Variants in NFIA observed in about 807,000 individuals in gnomAD.
NFIA encodes the protein nuclear factor I A, also known as nuclear factor 1 A-type.
A neutral mutation model predicts 62.8 loss-of-function variants in NFIA; 8 were observed. The ratio of observed to expected loss-of-function variants is 0.13; its 90% confidence interval spans 0.07 to 0.23. The LOEUF is 0.23. Ranked by LOEUF, NFIA falls within the 10% of genes least tolerant of loss-of-function variation. The probability of loss-of-function intolerance (pLI) is 1.00; values close to 1 mark genes in which losing one functional copy is unlikely to be tolerated. For synonymous variants in NFIA, 235 were observed against 238.1 expected (o/e 0.99, Z 0.12); for missense variants, 410 against 642.1 (o/e 0.64, Z 3.91).
intron 9 of NFIA, among the ~76,000 whole-genome samples, chr1:61,417,298 TATA>T (rs919948059): frequency 3.4e-5 from 5 of 147,558 alleles, no homozygotes; most frequent in Non-Finnish European, 7.5e-5. Flanking sequence ...TGTATACACA[TATA>T]AGATGATTGT....
rs539591138 is a variant in NFIA, at chr1:61,433,828, A to G, written c.1512+7272A>G. On this transcript the variant is annotated intron_variant, in intron 10 of 10. Coordinates refer to ENST00000403491, the MANE Select transcript of NFIA (RefSeq NM_001134673.4). ...GTGACTTTCCCAGAACCACATATCC[A>G]GAGGTCAGTAGAGTCAGGACACAAA... 9.1e-4 allele frequency among the ~76,000 whole-genome samples: 138 copies of G among 152,288 alleles called. 1 individual carries two copies. The highest frequency in any genetic ancestry group is 3.5e-3 in the Admixed American group (53 of 15,298).
chr1:61,393,998 A>T (rs760100490), intron 7 of NFIA, among the ~76,000 whole-genome samples: 2 of 152,162 alleles, frequency 1.3e-5, no homozygotes, highest in African/African-American at 4.8e-5. Flanking sequence ...ATGTATCTCT[A>T]TTTATTCTAA....
intron 2 of NFIA, among the ~76,000 whole-genome samples, chr1:61,233,511 C>T (rs1654803500): frequency 6.6e-6 from 1 of 152,170 alleles, no homozygotes; most frequent in Non-Finnish European, 1.5e-5. Flanking sequence ...CCTACTGAAA[C>T]TGGGGAAGTC....
chr1:61,453,541 G>A (rs1668165555), intron 10 of NFIA, among the ~76,000 whole-genome samples: 2 of 149,452 alleles, frequency 1.3e-5, no homozygotes, highest in Admixed American at 6.7e-5. Flanking sequence ...CAGAAACTGT[G>A]GTGTGGAGAA....
In NFIA at chr1:61,352,756, TACACACAC is replaced by T. The variant is rs10544967; in HGVS notation, c.818+210_818+217del. 0.091 allele frequency among the ~76,000 whole-genome samples: 13,624 copies of T among 150,526 alleles called. 786 individuals carry two copies. The highest frequency in any genetic ancestry group is 0.2 in the East Asian group (1,026 of 5,118). The stretch of plus-strand genomic sequence containing the variant: ...CAAATATGCATGTGGCAAGATTAAA[TACACACAC>T]ACACACACACACACACACACGCACA... On this transcript the variant is annotated intron_variant, in intron 5 of 10. Coordinates refer to ENST00000403491, the MANE Select transcript of NFIA (RefSeq NM_001134673.4).
chr1:61,209,076 C>T (rs1203082719), intron 2 of NFIA, among the ~76,000 whole-genome samples: 1 of 151,964 alleles, frequency 6.6e-6, no homozygotes, highest in Non-Finnish European at 1.5e-5. Flanking sequence ...CCCAAAAGAA[C>T]TGCTGTATTA....
At chr1:61,310,659 C>T (rs1433623177) in intron 3 of NFIA, among the ~76,000 whole-genome samples, 3 of 152,156 alleles carry the variant, frequency 2.0e-5, no homozygotes, top group Non-Finnish European at 2.9e-5. Flanking sequence ...GAAGTCCCAG[C>T]TCCAGCCATC....
chr1:61,219,712 T>C (rs1159898409), intron 2 of NFIA, among the ~76,000 whole-genome samples: 1 of 61,640 alleles, frequency 1.6e-5, no homozygotes, highest in Non-Finnish European at 3.0e-5. Flanking sequence ...AGACTCCGTC[T>C]CAAAAAAAAA....
chr1:61,107,313 C>G (rs1646621307), intron 2 of NFIA, among the ~76,000 whole-genome samples: 1 of 151,494 alleles, frequency 6.6e-6, no homozygotes, highest in African/African-American at 2.4e-5. Context: ...ACAAAAAATT[C>G]TGTTGATCTG....
intron 7 of NFIA, among the ~76,000 whole-genome samples, chr1:61,384,684 A>G (rs779658052): frequency 6.6e-6 from 1 of 152,190 alleles, no homozygotes; most frequent in Non-Finnish European, 1.5e-5. Context: ...CCTTTTAGTC[A>G]GAATATTTAT....
intron 3 of NFIA, among the ~76,000 whole-genome samples, chr1:61,331,486 A>G (rs111648247): frequency 1.1e-3 from 172 of 152,298 alleles, no homozygotes; most frequent in African/African-American, 4.0e-3. Context: ...ATGGATTGTT[A>G]TATATTCAGA....
chr1:61,186,422 T>C (rs1419485920), intron 2 of NFIA, among the ~76,000 whole-genome samples: 1 of 152,188 alleles, frequency 6.6e-6, no homozygotes, highest in African/African-American at 2.4e-5. Context: ...TATTAATTAA[T>C]GGCAGTGTGG....
chr1:61,151,365 G>A (rs1050911234), intron 2 of NFIA, among the ~76,000 whole-genome samples: 7 of 146,308 alleles, frequency 4.8e-5, no homozygotes, highest in Admixed American at 1.4e-4. Context: ...TTGCACCACC[G>A]TGCCTGGCTA....
chr1:61,456,153 C>T lies in NFIA; in HGVS notation c.*833C>T, dbSNP rs1463348363. On this transcript the variant is annotated 3_prime_UTR_variant, in exon 11 of 11. Transcript: ENST00000403491. ...AGAAACTGACAGGAATCAATCAAAA[C>T]AATCGAATTTTGAATTGAGTAAAGT... 1 of 152,534 alleles carries T rather than the reference C, an allele frequency of 6.6e-6. No individual in the cohort carries two copies. Among genetic ancestry groups the T allele is most frequent in the Non-Finnish European group, 1.5e-5 (1 of 68,014 alleles). The allele number at this position is 152,534 out of a possible 1,614,324, so 9.4% of individuals were successfully genotyped here. A position where few individuals can be genotyped will look rare whatever the true frequency, so the allele number is the denominator to read the frequency against.
In NFIA at chr1:61,095,557, C is replaced by G. The variant is rs533516863; in HGVS notation, c.559+6877C>G. On this transcript the variant is annotated intron_variant, in intron 2 of 10. Coordinates refer to ENST00000403491, the MANE Select transcript of NFIA (RefSeq NM_001134673.4). Reference sequence around the variant, plus strand: ...TTGAATCAAAGGGAAAGTAAAAAGTCAAAATCCAAACCCCTCCCATTGAGA... The same window carrying G: ...TTGAATCAAAGGGAAAGTAAAAAGTGAAAATCCAAACCCCTCCCATTGAGA... Among the ~76,000 whole-genome samples the G allele has an allele frequency of 2.9e-4, 44 of 152,288 alleles. 1 individual carries two copies. The highest frequency in any genetic ancestry group is 9.1e-4 in the African/African-American group (38 of 41,562).
chr1:61,130,518 A>G (rs1391934760), intron 2 of NFIA, among the ~76,000 whole-genome samples: 1 of 152,244 alleles, frequency 6.6e-6, no homozygotes, highest in African/African-American at 2.4e-5. Context: ...TGGACAAAAC[A>G]TGCATCAGTG....
intron 2 of NFIA, among the ~76,000 whole-genome samples, chr1:61,114,348 G>C (rs1646761172): frequency 6.6e-6 from 1 of 152,012 alleles, no homozygotes; most frequent in African/African-American, 2.4e-5. Flanking sequence ...TAGTCAGCCA[G>C]GTGTGGTGGC....
chr1:61,276,750 C>T (rs1394964189), intron 2 of NFIA, among the ~76,000 whole-genome samples: 5 of 151,838 alleles, frequency 3.3e-5, no homozygotes, highest in African/African-American at 1.2e-4. Context: ...TTGATTTTCC[C>T]TTATTTCATT....
intron 2 of NFIA, among the ~76,000 whole-genome samples, chr1:61,207,974 C>CTTTT (rs11444962): frequency 7.0e-4 from 81 of 115,356 alleles, no homozygotes; most frequent in African/African-American, 1.8e-3. Flanking sequence ...TGCACTGAAC[C>CTTTT]TTTTTTTTTT....
Sources: allele counts gnomAD v4.1 joint callset (sites outside exome capture counted in the v4.1 genomes callset), GRCh38; gene constraint gnomAD v4.1.1; transcripts MANE v1.5; gene names NCBI Gene and HGNC (gene_info 2026-07-23, HGNC 2026-07-21).